Variants in USP3 observed in about 807,000 individuals in gnomAD.
USP3 encodes ubiquitin specific peptidase 3, also known as ubiquitin carboxyl-terminal hydrolase 3.
A neutral mutation model predicts 72.3 loss-of-function variants in USP3; 20 were observed. The observed-to-expected ratio is 0.28, with a 90% CI of 0.19 to 0.40. USP3 has a LOEUF of 0.40. Ranked by LOEUF, USP3 falls within the 10% of genes least tolerant of loss-of-function variation. The pLI is 1.00. For missense variants in USP3, 479 were observed against 633.9 expected (o/e 0.76, Z 2.62); for synonymous variants, 222 against 225.3 (o/e 0.99, Z 0.13).
chr15:63,524,657 T>C (rs1181089714), intron 1 of USP3, among the ~76,000 whole-genome samples: 1 of 152,184 alleles, frequency 6.6e-6, no homozygotes, highest in Non-Finnish European at 1.5e-5. Context: ...TTGGTGTCTC[T>C]CTGTCCCCCA....
At chr15:63,531,484 G>T (rs1403974855) in intron 1 of USP3, among the ~76,000 whole-genome samples, 1 of 152,140 alleles carries the variant, frequency 6.6e-6, no homozygotes, top group African/African-American at 2.4e-5. Context: ...CAGGTCAGTG[G>T]TACTATAATT....
intron 8 of USP3, among the ~76,000 whole-genome samples, chr15:63,567,151 C>T (rs1038268391): frequency 3.9e-5 from 6 of 152,086 alleles, no homozygotes; most frequent in Non-Finnish European, 8.8e-5. Context: ...TTATTTGGAA[C>T]GTCTGCTTTT....
intron 11 of USP3, among the ~76,000 whole-genome samples, chr15:63,579,909 A>G (rs963054329): frequency 1.1e-4 from 16 of 152,214 alleles, no homozygotes; most frequent in African/African-American, 3.6e-4. Context: ...ATGTCAGTGG[A>G]AGAGGACACT....
At position 63,556,661 on chromosome 15, in the gene USP3, T is replaced by C. The variant is rs370361507; in HGVS notation, c.369-6T>C. On this transcript the variant is annotated splice_region_variant and splice_polypyrimidine_tract_variant and intron_variant, in intron 4 of 14. Coordinates refer to ENST00000380324, the MANE Select transcript of USP3 (RefSeq NM_006537.4). Reference sequence around the variant, plus strand: ...ACTTTTTCACTATCTGTTTGTGTTTTAATAGCTCAGCTTTCACAGCTGACA... The same window carrying C: ...ACTTTTTCACTATCTGTTTGTGTTTCAATAGCTCAGCTTTCACAGCTGACA... The C allele has an allele frequency of 4.6e-4, 733 of 1,599,364 alleles. No individual in the cohort carries two copies. The highest frequency in any genetic ancestry group is 5.5e-4 in the Non-Finnish European group (650 of 1,173,506).
At chr15:63,513,387 T>G (rs1440181126) in intron 1 of USP3, among the ~76,000 whole-genome samples, 10 of 152,194 alleles carry the variant, frequency 6.6e-5, no homozygotes, top group Non-Finnish European at 4.4e-5. Context: ...TGCTTATTTA[T>G]TTATTTTTTG....
intron 11 of USP3, among the ~76,000 whole-genome samples, chr15:63,586,014 A>G (rs1448822143): frequency 6.6e-6 from 1 of 152,200 alleles, no homozygotes; most frequent in Non-Finnish European, 1.5e-5. Flanking sequence ...GAGTCTTCCT[A>G]TCCATGAATA....
intron 11 of USP3, among the ~76,000 whole-genome samples, chr15:63,584,092 G>GTTTTTTTTTTTTTTTTTTTTTTTTTT (rs61574200): frequency 3.5e-5 from 3 of 85,598 alleles, no homozygotes; most frequent in African/African-American, 9.1e-5. Flanking sequence ...CAACGGTTTT[G>GTTTTTTTTTTTTTTTTTTTTTTTTTT]TTTTTTTTTT....
chr15:63,547,850 GAGAGAGAGAGAGGCAT>G lies in USP3; in HGVS notation c.285-5852_285-5837del, dbSNP rs1250904344. Among the ~76,000 whole-genome samples, 97 of 93,550 alleles carry G rather than the reference GAGAGAGAGAGAGGCAT, an allele frequency of 1.0e-3. 7 individuals are homozygous for G. Among genetic ancestry groups the G allele is most frequent in the African/African-American group, 4.7e-3 (94 of 19,958 alleles). 61.4% of individuals were successfully genotyped at this position (93,550 alleles called of 152,430 possible). On this transcript the variant is annotated intron_variant, in intron 3 of 14. Coordinates refer to ENST00000380324, the MANE Select transcript of USP3 (RefSeq NM_006537.4). Reference sequence around the variant, plus strand: ...AGAGAGAGAGAGGGAGGGAGGGAGAGAGAGAGAGAGAGGCATAGAGAGAGAGAGAGAGAGAGAGAGA... The same window carrying G: ...AGAGAGAGAGAGGGAGGGAGGGAGAGAGAGAGAGAGAGAGAGAGAGAGAGA...
chr15:63,558,156 A>T lies in USP3; in HGVS notation c.501A>T (p.Thr167=). The part of the protein sequence containing the change: ...CATGLRNLGN[T]CFMNAILQSL... ...CAGGCCTTCGGAATTTGGGGAACAC[A>T]TGTTTCATGAATGCCATCCTTCAGT... is the stretch of plus-strand genomic sequence containing the variant. Residue 167 remains threonine, a synonymous_variant, in exon 6 of 15, where the codon ACA becomes ACT. Transcript: ENST00000380324. The T allele has an allele frequency of 1.2e-6, 2 of 1,614,056 alleles. No individual in the cohort carries two copies.
chr15:63,559,178 G>C (rs1050678614), intron 6 of USP3, among the ~76,000 whole-genome samples: 2 of 152,050 alleles, frequency 1.3e-5, no homozygotes, highest in African/African-American at 4.8e-5. Flanking sequence ...GGCATAAATG[G>C]GTTAATCAAG....
rs1368804361 is a variant in USP3, at chr15:63,594,544, A to G, written c.*3718A>G. The stretch of plus-strand genomic sequence containing the variant: ...GCCAAGAGGATTAATTGTGCAAGTG[A>G]CTGATTCATTTAAATTGTAATCACA... On this transcript the variant is annotated 3_prime_UTR_variant, in exon 15 of 15. Transcript: ENST00000380324. The G allele has an allele frequency of 1.3e-5, 2 of 152,174 alleles. No homozygotes were observed. The highest frequency in any genetic ancestry group is 3.8e-4 in the East Asian group (2 of 5,200). 9.4% of individuals were successfully genotyped at this position (152,174 alleles called of 1,614,324 possible).
chr15:63,564,685 T>A (rs184051972), intron 8 of USP3, among the ~76,000 whole-genome samples: 1 of 152,218 alleles, frequency 6.6e-6, no homozygotes, highest in African/African-American at 2.4e-5. Context: ...GGCTGACGAA[T>A]GTAGCATGTG....
At position 63,544,607 on chromosome 15, in the gene USP3, G is replaced by A. The variant is rs2066293507; in HGVS notation, c.284+7451G>A. 6 of 680,320 alleles carry A rather than the reference G, an allele frequency of 8.8e-6. No individual in the cohort carries two copies. In the Middle Eastern group the frequency reaches 7.1e-4, roughly 80 times the overall value. 42.1% of individuals were successfully genotyped at this position (680,320 alleles called of 1,614,324 possible). ...AATTTTAGGACAAGAAAACGATTGA[G>A]CCATGCTGTGTGTTTTCATTTTTGG... is the stretch of plus-strand genomic sequence containing the variant. On this transcript the variant is annotated intron_variant, in intron 3 of 14. Coordinates refer to ENST00000380324, the MANE Select transcript of USP3 (RefSeq NM_006537.4). The surrounding 1 kb of genome is among the most constrained non-coding windows in gnomAD (Gnocchi z 4.2).
intron 4 of USP3, among the ~76,000 whole-genome samples, chr15:63,555,912 T>G (rs183249455): frequency 6.6e-6 from 1 of 152,194 alleles, no homozygotes; most frequent in African/African-American, 2.4e-5. Flanking sequence ...TTTTAGAAGG[T>G]GGGAGAGAAT....
rs115176028 is a variant in USP3, at chr15:63,576,647, T to A, written c.1096+2244T>A. 2.3e-3 allele frequency among the ~76,000 whole-genome samples: 345 copies of A among 152,354 alleles called. 1 individual carries two copies. Among genetic ancestry groups the A allele is most frequent in the African/African-American group, 6.7e-3 (277 of 41,584 alleles). Reference sequence around the variant, plus strand: ...TTCTTGGCACAGAATCCTTGAAATCTGATGTGACTGGTATTAGCTTCAGGG... The same window carrying A: ...TTCTTGGCACAGAATCCTTGAAATCAGATGTGACTGGTATTAGCTTCAGGG... On this transcript the variant is annotated intron_variant, in intron 11 of 14. Coordinates refer to ENST00000380324, the MANE Select transcript of USP3 (RefSeq NM_006537.4).
intron 3 of USP3, among the ~76,000 whole-genome samples, chr15:63,552,517 A>AT (rs1302772847): frequency 6.6e-6 from 1 of 152,192 alleles, no homozygotes; most frequent in Non-Finnish European, 1.5e-5. Flanking sequence ...AATGTTGGGA[A>AT]TTGACTTTAG....
chr15:63,516,289 C>T lies in USP3; in HGVS notation c.91+11459C>T, dbSNP rs548703059. 2.0e-5 allele frequency among the ~76,000 whole-genome samples: 3 copies of T among 152,126 alleles called. No homozygotes were observed. In the South Asian group the frequency reaches 6.2e-4, roughly 32 times the overall value. On this transcript the variant is annotated intron_variant, in intron 1 of 14. Coordinates refer to ENST00000380324, the MANE Select transcript of USP3 (RefSeq NM_006537.4). ...TCTTTTCTAAAATCCTTTCCAGAGC[C>T]CTCTGACCTCTGCTGTCATTTGAAA...
At chr15:63,504,878 T>A (rs1435979779) in intron 1 of USP3, 48 bp downstream of exon 1, 25 of 1,472,128 alleles carry the variant, frequency 1.7e-5, no homozygotes, top group Non-Finnish European at 2.2e-5. Flanking sequence ...AGGCCGCGGC[T>A]CTGCCGGGCC....
chr15:63,586,486 G>A (rs2067065799), intron 11 of USP3: 1 of 152,194 alleles, frequency 6.6e-6, no homozygotes, highest in Non-Finnish European at 1.5e-5. Context: ...AATACTTGCT[G>A]AAGAAAGCAC....
Sources: gnomAD v4.1 joint callset for allele counts (sites outside exome capture counted in the v4.1 genomes callset) on GRCh38, gnomAD v4.1.1 for gene constraint, Gnocchi (gnomAD v3.1) non-coding constraint, MANE v1.5 for transcripts, NCBI Gene and HGNC (gene_info 2026-07-23, HGNC 2026-07-21) for gene names.